The following PAX5 variants were observed in gnomAD, a reference collection of about 807,000 sequenced individuals.
PAX5 encodes the protein paired box protein Pax-5.
A neutral mutation model predicts 43.7 loss-of-function variants in PAX5; 9 were observed. That is an observed-to-expected ratio of 0.21 (90% CI 0.12 to 0.36). The LOEUF (loss-of-function observed/expected upper bound fraction) is 0.36, where lower values mean the gene tolerates loss of function less well. Ranked by LOEUF, PAX5 falls within the 10% of genes least tolerant of loss-of-function variation. PAX5 has a pLI of 1.00. For missense variants in PAX5, 383 were observed against 532.7 expected (o/e 0.72, Z 2.77); for synonymous variants, 228 against 214.3 (o/e 1.06, Z -0.56).
intron 8 of PAX5, among the ~76,000 whole-genome samples, chr9:36,853,970 C>T (rs372779733): frequency 3.5e-4 from 53 of 152,356 alleles, no homozygotes; most frequent in Admixed American, 2.3e-3. Flanking sequence ...CACTGGGGGC[C>T]GACCCCGTCT....
At chr9:36,964,529 T>C (rs1194034110) in intron 6 of PAX5, among the ~76,000 whole-genome samples, 1 of 149,438 alleles carries the variant, frequency 6.7e-6, no homozygotes, top group Non-Finnish European at 1.5e-5. Flanking sequence ...GAGGTGGAGG[T>C]TGCAGTGAGC....
chr9:36,921,060 G>A (rs755687152), intron 7 of PAX5, among the ~76,000 whole-genome samples: 10 of 152,194 alleles, frequency 6.6e-5, no homozygotes, highest in Non-Finnish European at 1.3e-4. Flanking sequence ...TGATCTGCCC[G>A]CCTCGGCCTC....
chr9:36,849,515 A>G (rs1563888252), intron 8 of PAX5, among the ~76,000 whole-genome samples: 2 of 152,322 alleles, frequency 1.3e-5, no homozygotes, highest in South Asian at 4.1e-4. Context: ...TTATTTGTTG[A>G]ATGAATGAAT....
At chr9:36,896,410 C>G (rs963679612) in intron 7 of PAX5, among the ~76,000 whole-genome samples, 1 of 151,942 alleles carries the variant, frequency 6.6e-6, no homozygotes, top group Admixed American at 6.5e-5. Context: ...GAGGCCCATA[C>G]GAGACAGGCA....
At chr9:37,018,290 G>A (rs974922307) in intron 2 of PAX5, among the ~76,000 whole-genome samples, 4 of 152,048 alleles carry the variant, frequency 2.6e-5, no homozygotes, top group African/African-American at 9.7e-5. Flanking sequence ...CTCCCAACCA[G>A]GCTCCAGTGA....
At chr9:36,944,759 T>C (rs1308435091) in intron 6 of PAX5, among the ~76,000 whole-genome samples, 2 of 152,234 alleles carry the variant, frequency 1.3e-5, no homozygotes, top group Non-Finnish European at 2.9e-5. Context: ...TCAGTATAAC[T>C]CTAAGGGGAC....
At chr9:36,912,420 C>A (rs998804458) in intron 7 of PAX5, among the ~76,000 whole-genome samples, 3 of 152,244 alleles carry the variant, frequency 2.0e-5, no homozygotes, top group African/African-American at 7.2e-5. Context: ...AGCTAGAATA[C>A]GGTGAAGTGG....
chr9:36,963,026 C>T (rs983600146), intron 6 of PAX5, among the ~76,000 whole-genome samples: 5 of 152,234 alleles, frequency 3.3e-5, no homozygotes, highest in African/African-American at 4.8e-5. Flanking sequence ...CTTGCTCAGG[C>T]ATCATTTGTC....
intron 7 of PAX5, among the ~76,000 whole-genome samples, chr9:36,917,615 A>C (rs1829826313): frequency 6.6e-6 from 1 of 152,286 alleles, no homozygotes; most frequent in African/African-American, 2.4e-5. Flanking sequence ...AGATTCTCAG[A>C]AAGGCAACCA....
chr9:36,981,496 T>A (rs1441692703), intron 5 of PAX5, among the ~76,000 whole-genome samples: 1 of 143,284 alleles, frequency 7.0e-6, no homozygotes, highest in African/African-American at 2.6e-5. Context: ...CGGTGTGACC[T>A]CCTACTGGGA....
intron 5 of PAX5, among the ~76,000 whole-genome samples, chr9:36,985,647 G>A (rs961172454): frequency 6.6e-6 from 1 of 152,154 alleles, no homozygotes; most frequent in Non-Finnish European, 1.5e-5. Context: ...GGCAAGAAGA[G>A]CTTTCTGAGG....
In PAX5 at chr9:36,838,749, C is replaced by T. The variant is rs1055732309; in HGVS notation, c.*1811G>A. On this transcript the variant is annotated 3_prime_UTR_variant, in exon 10 of 10. Transcript: ENST00000358127. ...GCCCCAGATGATCCTCTCACAGCCC[C>T]GGCTCCCTGGAGAGAGGAGGGGAAG... is the stretch of plus-strand genomic sequence containing the variant. The T allele has an allele frequency of 1.4e-4, 32 of 233,256 alleles. No individual in the cohort carries two copies. Among genetic ancestry groups the T allele is most frequent in the African/African-American group, 5.7e-4 (26 of 45,330 alleles). The allele number at this position is 233,256 out of a possible 1,614,324, so 14.4% of individuals were successfully genotyped here.
At chr9:36,931,899 G>A (rs1831162942) in intron 6 of PAX5, among the ~76,000 whole-genome samples, 1 of 151,678 alleles carries the variant, frequency 6.6e-6, no homozygotes, top group Non-Finnish European at 1.5e-5. Flanking sequence ...AATTGGCAAT[G>A]TGAGCACCAA....
chr9:36,975,314 C>G (rs935363807), intron 5 of PAX5, among the ~76,000 whole-genome samples: 1 of 152,172 alleles, frequency 6.6e-6, no homozygotes, highest in Non-Finnish European at 1.5e-5. Flanking sequence ...CCTAGGCACT[C>G]TGAACTCATG....
At chr9:36,851,780 C>T (rs1477218156) in intron 8 of PAX5, among the ~76,000 whole-genome samples, 3 of 152,154 alleles carry the variant, frequency 2.0e-5, no homozygotes, top group Non-Finnish European at 2.9e-5. Context: ...CCAGGGCATC[C>T]GGGCTGATCC....
intron 7 of PAX5, among the ~76,000 whole-genome samples, chr9:36,908,975 T>C (rs1026239871): frequency 3.3e-5 from 5 of 152,260 alleles, no homozygotes; most frequent in African/African-American, 1.2e-4. Context: ...AACATTGTGC[T>C]AACCTGAAAG....
At chr9:36,842,152 G>C (rs1468419679) in intron 9 of PAX5, among the ~76,000 whole-genome samples, 1 of 152,144 alleles carries the variant, frequency 6.6e-6, no homozygotes, top group Non-Finnish European at 1.5e-5. Context: ...GTTTTCTTCT[G>C]CCGCCTCTTC....
chr9:36,871,970 C>A (rs529838275), intron 8 of PAX5, among the ~76,000 whole-genome samples: 6 of 152,200 alleles, frequency 3.9e-5, no homozygotes, highest in Non-Finnish European at 8.8e-5. Flanking sequence ...CTAGGATATT[C>A]TCTCTCCCCA....
At position 36,846,931 on chromosome 9, in the gene PAX5, T is replaced by C. The variant is rs2131592025; in HGVS notation, c.1013-2A>G. The C allele has an allele frequency of 6.2e-7, 1 of 1,604,618 alleles. No individual in the cohort carries two copies. Among genetic ancestry groups the C allele is most frequent in the Non-Finnish European group, 8.5e-7 (1 of 1,171,428 alleles). ...AGGGACTCCCGGAAAACTCACTCCC[T>C]GTGTATGGTGGGTGGAGAGAGAAAC... is the stretch of plus-strand genomic sequence containing the variant. On this transcript the variant is annotated splice_acceptor_variant, in intron 8 of 9. Coordinates refer to ENST00000358127, the MANE Select transcript of PAX5 (RefSeq NM_016734.3). LOFTEE classifies it high-confidence loss of function.
Sources: allele counts gnomAD v4.1 joint callset (sites outside exome capture counted in the v4.1 genomes callset), GRCh38; gene constraint gnomAD v4.1.1; transcripts MANE v1.5; gene names NCBI Gene and HGNC (gene_info 2026-07-23, HGNC 2026-07-21).